DCLK1: variants seen among roughly 807,000 people sequenced by gnomAD.
The protein encoded by DCLK1 is doublecortin like kinase 1.
Under a neutral mutation model 86.2 loss-of-function variants are expected in DCLK1, and 16 were observed. The observed-to-expected ratio is 0.19, with a 90% CI of 0.13 to 0.28. The LOEUF (loss-of-function observed/expected upper bound fraction) is 0.28, where lower values mean the gene tolerates loss of function less well. Among genes scored for constraint, DCLK1 ranks in the 10% least tolerant of loss-of-function variants. The pLI is 1.00. For synonymous variants in DCLK1, 369 were observed against 370.5 expected (o/e 1.00, Z 0.05); for missense variants, 590 against 940.2 (o/e 0.63, Z 4.87).
chr13:35,892,526 T>C (rs375848167), intron 4 of DCLK1, among the ~76,000 whole-genome samples: 7 of 152,346 alleles, frequency 4.6e-5, no homozygotes, highest in African/African-American at 1.4e-4. Context: ...TTGTGAGGTG[T>C]TTCTCTACTT....
At chr13:36,051,785 T>A (rs576283291) in intron 3 of DCLK1, among the ~76,000 whole-genome samples, 1 of 152,264 alleles carries the variant, frequency 6.6e-6, no homozygotes, top group South Asian at 2.1e-4. Context: ...TTCTTTGGAC[T>A]AAAAGTACAA....
intron 4 of DCLK1, among the ~76,000 whole-genome samples, chr13:35,899,021 G>A (rs188107358): frequency 6.6e-5 from 10 of 152,272 alleles, no homozygotes; most frequent in Admixed American, 2.0e-4. Flanking sequence ...AATTACAGGC[G>A]TGAGCCACCA....
intron 16 of DCLK1, among the ~76,000 whole-genome samples, chr13:35,781,508 C>T (rs374871652): frequency 1.1e-4 from 17 of 152,244 alleles, no homozygotes; most frequent in African/African-American, 3.4e-4. Context: ...GTTTCTGTTC[C>T]GCAATGCTTG....
intron 3 of DCLK1, among the ~76,000 whole-genome samples, chr13:36,110,802 G>C (rs1885585806): frequency 6.6e-6 from 1 of 150,712 alleles, no homozygotes; most frequent in Admixed American, 6.6e-5. Flanking sequence ...TGAATGACTA[G>C]CAAATCATGC....
chr13:35,801,576 G>A (rs1488147163), intron 15 of DCLK1, among the ~76,000 whole-genome samples: 1 of 151,830 alleles, frequency 6.6e-6, no homozygotes, highest in Non-Finnish European at 1.5e-5. Flanking sequence ...AATGCCTGTA[G>A]GAAATCAGAG....
chr13:35,987,913 C>T (rs994039042), intron 3 of DCLK1, among the ~76,000 whole-genome samples: 2 of 152,214 alleles, frequency 1.3e-5, no homozygotes, highest in Non-Finnish European at 2.9e-5. Flanking sequence ...CTCCTCCCTG[C>T]TCCCCACATC....
At chr13:35,794,759 A>G (rs2086773776) in intron 15 of DCLK1, among the ~76,000 whole-genome samples, 1 of 152,182 alleles carries the variant, frequency 6.6e-6, no homozygotes, top group African/African-American at 2.4e-5. Flanking sequence ...AGTCCATTCT[A>G]ATGGCTTTAC....
intron 11 of DCLK1, among the ~76,000 whole-genome samples, chr13:35,817,641 A>G (rs1472754230): frequency 5.3e-5 from 8 of 152,266 alleles, no homozygotes; most frequent in Admixed American, 6.5e-5. Context: ...CCATGCCCCA[A>G]GTGGTACATC....
At chr13:36,122,937 C>T (rs542409065) in intron 2 of DCLK1, among the ~76,000 whole-genome samples, 14 of 152,192 alleles carry the variant, frequency 9.2e-5, no homozygotes, top group Middle Eastern at 3.4e-3. Context: ...GCATAATAAT[C>T]CATAGATAAA....
In DCLK1 at chr13:36,111,800, G is replaced by T. The variant is rs1018590705; in HGVS notation, c.723+69C>A. On this transcript the variant is annotated intron_variant, in intron 3 of 16. Coordinates refer to ENST00000360631, the MANE Select transcript of DCLK1 (RefSeq NM_001330071.2). The stretch of plus-strand genomic sequence containing the variant: ...CAACTTGAGCAAAATGTATGCTTTA[G>T]CCACGTACACCCTCCGACTCCCTGG... The T allele has an allele frequency of 8.5e-6, 12 of 1,412,324 alleles. No individual in the cohort carries two copies. The African/African-American group carries it at 1.6e-4, about 18-fold the overall frequency. The allele number at this position is 1,412,324 out of a possible 1,614,324, so 87.5% of individuals were successfully genotyped here. A position where few individuals can be genotyped will look rare whatever the true frequency, so the allele number is the denominator to read the frequency against.
chr13:35,890,679 C>T (rs185961979), intron 4 of DCLK1, among the ~76,000 whole-genome samples: 99 of 152,256 alleles, frequency 6.5e-4, no homozygotes, highest in Non-Finnish European at 1.2e-3. Flanking sequence ...TCTTTCTCAT[C>T]AACTTGGTAT....
intron 15 of DCLK1, among the ~76,000 whole-genome samples, chr13:35,794,097 C>G (rs1348801163): frequency 6.6e-6 from 1 of 152,216 alleles, no homozygotes; most frequent in African/African-American, 2.4e-5. Flanking sequence ...ACCAAGGTCT[C>G]TATTCTCTGC....
intron 5 of DCLK1, 94 bp downstream of exon 5, chr13:35,871,130 G>A (rs763095271): frequency 1.6e-4 from 164 of 1,009,256 alleles, no homozygotes; most frequent in Non-Finnish European, 1.7e-4. Context: ...ACCTACACTC[G>A]CTTAAAAACC....
At chr13:35,908,153 G>T (rs1249892209) in intron 4 of DCLK1, among the ~76,000 whole-genome samples, 4 of 151,828 alleles carry the variant, frequency 2.6e-5, no homozygotes, top group Non-Finnish European at 4.4e-5. Flanking sequence ...GATGAGGTTT[G>T]AATTAGTTGG....
At chr13:35,860,097 T>C (rs541015600) in intron 5 of DCLK1, among the ~76,000 whole-genome samples, 1 of 152,330 alleles carries the variant, frequency 6.6e-6, no homozygotes, top group East Asian at 1.9e-4. Flanking sequence ...TTTCTGGTGC[T>C]GCACTTGTCA....
chr13:35,937,466 TC>T (rs1484564811), intron 4 of DCLK1, among the ~76,000 whole-genome samples: 1 of 151,980 alleles, frequency 6.6e-6, no homozygotes, highest in Non-Finnish European at 1.5e-5. Flanking sequence ...TCATCAACCC[TC>T]CCCTTGTCCT....
chr13:36,072,638 C>G (rs1000082265), intron 3 of DCLK1, among the ~76,000 whole-genome samples: 1 of 152,172 alleles, frequency 6.6e-6, no homozygotes, highest in Non-Finnish European at 1.5e-5. Flanking sequence ...CTACCCCCAG[C>G]CTCTAGAAAA....
chr13:35,866,375 A>G (rs1010452512), intron 5 of DCLK1, among the ~76,000 whole-genome samples: 3 of 152,186 alleles, frequency 2.0e-5, no homozygotes, highest in Non-Finnish European at 4.4e-5. Context: ...GAAACTGAAT[A>G]CTGGAAGTAG....
At chr13:35,808,104 T>C (rs2087066170) in intron 14 of DCLK1, 120 bp downstream of exon 14, 5 of 988,032 alleles carry the variant, frequency 5.1e-6, no homozygotes, top group Admixed American at 2.2e-5. Context: ...CAATTACAAC[T>C]AAAATGTGTA....
Sources: gnomAD v4.1 joint callset for allele counts (sites outside exome capture counted in the v4.1 genomes callset) on GRCh38, gnomAD v4.1.1 for gene constraint, MANE v1.5 for transcripts, NCBI Gene and HGNC (gene_info 2026-07-23, HGNC 2026-07-21) for gene names.